Variants in MYO18B observed in about 807,000 individuals in gnomAD.
MYO18B encodes the protein myosin XVIIIB, also known as unconventional myosin-XVIIIb.
In MYO18B, 204 loss-of-function variants were observed where a neutral mutation model predicts 273.0. The ratio of observed to expected loss-of-function variants is 0.75; its 90% CI spans 0.67 to 0.84. MYO18B has a LOEUF of 0.84. MYO18B is among the 40% of genes least tolerant of loss of function. The pLI, the probability that MYO18B is intolerant of heterozygous loss-of-function variation, is 0.00. For synonymous variants in MYO18B, 1,330 were observed against 1,305.7 expected (o/e 1.02, Z -0.40); for missense variants, 3,212 against 3,287.6 (o/e 0.98, Z 0.56).
chr22:25,853,081 C>T (rs1324368817), intron 21 of MYO18B, among the ~76,000 whole-genome samples: 1 of 152,196 alleles, frequency 6.6e-6, no homozygotes, highest in African/African-American at 2.4e-5. Context: ...ATGTACCTTA[C>T]ACAGGTCCTG....
At chr22:25,879,634 A>G (rs1236744574) in intron 25 of MYO18B, among the ~76,000 whole-genome samples, 1 of 152,208 alleles carries the variant, frequency 6.6e-6, no homozygotes, top group Non-Finnish European at 1.5e-5. Flanking sequence ...TCCCACTCCA[A>G]GAAGGTCACT....
intron 21 of MYO18B, among the ~76,000 whole-genome samples, chr22:25,865,418 G>A (rs550610809): frequency 3.3e-4 from 50 of 152,326 alleles, no homozygotes; most frequent in Non-Finnish European, 5.3e-4. Context: ...CATGTGCTTT[G>A]GCAGGGTTTG....
intron 37 of MYO18B, among the ~76,000 whole-genome samples, chr22:25,950,720 C>T (rs1033172513): frequency 5.3e-5 from 8 of 152,118 alleles, no homozygotes; most frequent in East Asian, 3.9e-4. Context: ...TACAGACACC[C>T]GCCACCATGC....
At position 26,026,866 on chromosome 22, in the gene MYO18B, G is replaced by A. The variant is rs762255270; in HGVS notation, c.6892G>A (p.Glu2298Lys). Residue 2298 changes from glutamate (E) to lysine (K), a missense_variant, in exon 43 of 44, where the codon GAG (glutamate) becomes AAG (lysine). Coordinates refer to ENST00000335473, the MANE Select transcript of MYO18B (RefSeq NM_032608.7). ...TLRRGRAGSD[E>K]GNLSLRVGAK... ...AAGGAGGGGCAGGGCTGGCAGTGAC[G>A]AGGGAAACCTCTCGCTGAGGGTTGG... 6 of 1,595,928 alleles carry A rather than the reference G, an allele frequency of 3.8e-6. No individual in the cohort carries two copies. The highest frequency in any genetic ancestry group is 1.7e-5 in the Admixed American group (1 of 58,124).
At chr22:25,781,602 T>G (rs2087156273) in intron 9 of MYO18B, 132 bp from the exon 10 acceptor site, 2 of 343,486 alleles carry the variant, frequency 5.8e-6, no homozygotes, top group African/African-American at 3.2e-5. Flanking sequence ...AGAGCGAGAC[T>G]CCGTCTCAAA....
At chr22:25,788,077 T>A (rs2087479044) in intron 11 of MYO18B, among the ~76,000 whole-genome samples, 1 of 152,152 alleles carries the variant, frequency 6.6e-6, no homozygotes, top group African/African-American at 2.4e-5. Flanking sequence ...GCATTTGAAG[T>A]GGTTTGCTTT....
In MYO18B at chr22:25,973,974, A is replaced by G. The variant is rs542103300; in HGVS notation, c.6157-18389A>G. Among the ~76,000 whole-genome samples the G allele has an allele frequency of 2.0e-5, 3 of 152,278 alleles. No individual in the cohort carries two copies. The East Asian group carries it at 5.8e-4, about 29-fold the overall frequency. On this transcript the variant is annotated intron_variant, in intron 39 of 43. Transcript: ENST00000335473. ...CACAGCTGTTTTGGGTCAAATCTCA[A>G]TTGTGTCTTAGGTCATCCTAGTCTT...
chr22:25,910,204 T>C lies in MYO18B; in HGVS notation c.5260-742T>C, dbSNP rs369861278. 1.1e-4 allele frequency among the ~76,000 whole-genome samples: 17 copies of C among 152,260 alleles called. No individual in the cohort carries two copies. In the East Asian group the frequency reaches 1.2e-3, roughly 10 times the overall value. On this transcript the variant is annotated intron_variant, in intron 32 of 43. Coordinates refer to ENST00000335473, the MANE Select transcript of MYO18B (RefSeq NM_032608.7). ...TGTCTAGGTGGCTTAAATGATAACA[T>C]TTATTTATCACAGTTCTGGAGGCTG...
At chr22:25,777,217 C>G (rs9624896) in intron 7 of MYO18B, among the ~76,000 whole-genome samples, 1 of 152,116 alleles carries the variant, frequency 6.6e-6, no homozygotes, top group African/African-American at 2.4e-5. Context: ...CATCACTAAT[C>G]GTAATGGATA....
the MYO18B span, among the ~76,000 whole-genome samples, chr22:26,047,128 T>C: frequency 4.2e-4 from 57 of 136,400 alleles, no homozygotes; most frequent in Non-Finnish European, 8.4e-4. Flanking sequence ...TTGGCCCATT[T>C]TTTTTTTTTT....
chr22:25,977,775 G>A (rs1224807981), intron 39 of MYO18B, among the ~76,000 whole-genome samples: 1 of 152,182 alleles, frequency 6.6e-6, no homozygotes, highest in African/African-American at 2.4e-5. Context: ...ACTTGTTATA[G>A]TCTATGCAAT....
chr22:25,915,923 A>G (rs2092254091), intron 33 of MYO18B, among the ~76,000 whole-genome samples: 1 of 152,208 alleles, frequency 6.6e-6, no homozygotes. Context: ...ACTATTTCTG[A>G]GACAATTTTT....
intron 22 of MYO18B, among the ~76,000 whole-genome samples, chr22:25,870,808 A>G (rs1403733142): frequency 6.6e-6 from 1 of 152,152 alleles, no homozygotes. Context: ...GGTGATTCCA[A>G]TGCACTCTCA....
intron 20 of MYO18B, among the ~76,000 whole-genome samples, chr22:25,849,123 G>A (rs2090345642): frequency 6.6e-6 from 1 of 152,224 alleles, no homozygotes; most frequent in Non-Finnish European, 1.5e-5. Flanking sequence ...GATTCTATTT[G>A]GCTGCTTGGC....
At chr22:25,863,456 T>A (rs184911517) in intron 21 of MYO18B, among the ~76,000 whole-genome samples, 24 of 152,346 alleles carry the variant, frequency 1.6e-4, no homozygotes, top group Admixed American at 1.4e-3. Context: ...TTCATTCTGA[T>A]CTTTTCTTAA....
intron 1 of MYO18B, among the ~76,000 whole-genome samples, chr22:25,746,719 A>C (rs1436754487): frequency 1.3e-5 from 2 of 152,178 alleles, no homozygotes; most frequent in African/African-American, 4.8e-5. Flanking sequence ...GAGACGCTAA[A>C]TTTTTGATTT....
chr22:25,907,339 C>T (rs968773116), intron 31 of MYO18B, among the ~76,000 whole-genome samples: 4 of 152,168 alleles, frequency 2.6e-5, no homozygotes, highest in African/African-American at 7.2e-5. Context: ...ATGCCTGTTG[C>T]ATGTGTTTTG....
intron 36 of MYO18B, among the ~76,000 whole-genome samples, chr22:25,948,511 T>TTC (rs56025222): frequency 5.4e-5 from 1 of 18,386 alleles, no homozygotes; most frequent in African/African-American, 1.3e-4. Context: ...CTCTCTTTTC[T>TTC]CTTTCCTTCT....
chr22:25,968,976 A>G (rs1002385808), intron 39 of MYO18B, among the ~76,000 whole-genome samples: 17 of 152,154 alleles, frequency 1.1e-4, no homozygotes, highest in Admixed American at 3.3e-4. Context: ...GAGTCACACA[A>G]TCTCAAACCT....
Sources: allele counts gnomAD v4.1 joint callset (sites outside exome capture counted in the v4.1 genomes callset), GRCh38; gene constraint gnomAD v4.1.1; transcripts MANE v1.5; gene names NCBI Gene and HGNC (gene_info 2026-07-23, HGNC 2026-07-21).